The following CFDP1 variants were observed in gnomAD, a reference collection of about 807,000 sequenced individuals.
The protein encoded by CFDP1 is chromatin remodeling protein CFDP1, also known as heterochromatin-stabilizing protein CFDP1.
In CFDP1, 31 loss-of-function variants were observed where a neutral mutation model predicts 40.1. The observed-to-expected ratio is 0.77, with a 90% confidence interval of 0.58 to 1.04. The LOEUF is 1.04. Among genes scored for constraint, CFDP1 ranks in the 50% least tolerant of loss-of-function variants. The pLI is 0.00. For synonymous variants in CFDP1, 167 were observed against 120.0 expected, an observed-to-expected ratio of 1.39 and a Z score of -2.56; for missense variants, 423 against 343.4, an observed-to-expected ratio of 1.23 and a Z score of -1.83.
intron 5 of CFDP1, among the ~76,000 whole-genome samples, chr16:75,328,515 C>T (rs911274080): frequency 7.7e-5 from 11 of 141,970 alleles, no homozygotes; most frequent in Non-Finnish European, 1.5e-4. Flanking sequence ...AGGAGAATCG[C>T]TTGAACCCGG....
chr16:75,394,856 T>C (rs764838673), intron 5 of CFDP1: 1 of 370,106 alleles, frequency 2.7e-6, no homozygotes, highest in Non-Finnish European at 5.0e-6. Flanking sequence ...AGACAGGGTC[T>C]TACTGTATTG....
intron 5 of CFDP1, among the ~76,000 whole-genome samples, chr16:75,371,440 A>T (rs2078750508): frequency 6.6e-6 from 1 of 152,232 alleles, no homozygotes; most frequent in South Asian, 2.1e-4. Context: ...AAGCAGATTA[A>T]GAAACCTGAA....
At chr16:75,319,050 T>C (rs936048577) in intron 5 of CFDP1, among the ~76,000 whole-genome samples, 16 of 151,692 alleles carry the variant, frequency 1.1e-4, no homozygotes, top group Non-Finnish European at 1.6e-4. Flanking sequence ...AAACTTACTT[T>C]ATTTATTTAT....
chr16:75,304,696 C>A (rs1026771328), intron 6 of CFDP1, among the ~76,000 whole-genome samples: 7 of 152,176 alleles, frequency 4.6e-5, no homozygotes, highest in African/African-American at 1.7e-4. Flanking sequence ...TCAGATAAGG[C>A]CAAGGCTGCT....
intron 5 of CFDP1, 71 bp downstream of exon 5, chr16:75,395,019 A>G (rs1295766404): frequency 1.7e-5 from 27 of 1,579,588 alleles, no homozygotes; most frequent in South Asian, 6.7e-5. Context: ...ATCTGCAGCG[A>G]AAGTAGGTAT....
intron 5 of CFDP1, among the ~76,000 whole-genome samples, chr16:75,330,316 G>C (rs1037638189): frequency 6.6e-6 from 1 of 152,254 alleles, no homozygotes. Context: ...GCCTGGGACA[G>C]TGGCTCACGT....
At chr16:75,323,627 A>G (rs558737231) in intron 5 of CFDP1, among the ~76,000 whole-genome samples, 59 of 152,184 alleles carry the variant, frequency 3.9e-4, no homozygotes, top group African/African-American at 1.4e-3. Context: ...CTGAAAATAC[A>G]AATTTGCCGG....
chr16:75,293,847 C>A lies in CFDP1; in HGVS notation c.*105G>T. 7.9e-6 allele frequency: 7 copies of A among 885,188 alleles called. No individual in the cohort carries two copies. The highest frequency in any genetic ancestry group is 1.2e-5 in the Non-Finnish European group (7 of 575,526). 54.8% of individuals were successfully genotyped at this position (885,188 alleles called of 1,614,324 possible). On this transcript the variant is annotated 3_prime_UTR_variant, in exon 7 of 7. Transcript: ENST00000283882. ...ACTTCAATGTAGAAAAAAAAAAGAC[C>A]TTGCTGGGAAACAGATGATGAGAAA...
chr16:75,351,272 T>A (rs2078608532), intron 5 of CFDP1, among the ~76,000 whole-genome samples: 1 of 152,216 alleles, frequency 6.6e-6, no homozygotes, highest in South Asian at 2.1e-4. Context: ...CTCTATGTAT[T>A]GATAAATCCT....
chr16:75,413,549 T>C (rs1377135546), intron 2 of CFDP1, among the ~76,000 whole-genome samples: 1 of 40,216 alleles, frequency 2.5e-5, no homozygotes, highest in East Asian at 8.3e-4. Flanking sequence ...CGAGACTCTG[T>C]CTCAAAAAAA....
At chr16:75,309,870 A>C (rs2078285193) in intron 5 of CFDP1, among the ~76,000 whole-genome samples, 1 of 150,966 alleles carries the variant, frequency 6.6e-6, no homozygotes, top group Non-Finnish European at 1.5e-5. Flanking sequence ...GACCAACAGA[A>C]CCACTGGTTT....
At chr16:75,334,951 T>C (rs915966779) in intron 5 of CFDP1, among the ~76,000 whole-genome samples, 15 of 142,180 alleles carry the variant, frequency 1.1e-4, no homozygotes, top group African/African-American at 3.9e-4. Flanking sequence ...CGAGACACTC[T>C]GCCTCAAAAA....
chr16:75,300,186 G>T (rs906704520), intron 6 of CFDP1, among the ~76,000 whole-genome samples: 1 of 152,262 alleles, frequency 6.6e-6, no homozygotes, highest in Non-Finnish European at 1.5e-5. Context: ...GGTGGTGGTA[G>T]TGGGGCTGCG....
At position 75,433,355 on chromosome 16, in the gene CFDP1, T is replaced by C; in HGVS notation, c.-3A>G. The C allele has an allele frequency of 6.3e-7, 1 of 1,588,920 alleles. No individual in the cohort carries two copies. The highest frequency in any genetic ancestry group is 8.6e-7 in the Non-Finnish European group (1 of 1,167,710). ...TCTTCGGAGTCGAATTCCTCCATGTTGCTGCCGCTCGACGCTGGTCAAACT... is the reference window on the plus strand; with the variant it reads ...TCTTCGGAGTCGAATTCCTCCATGTCGCTGCCGCTCGACGCTGGTCAAACT... On this transcript the variant is annotated 5_prime_UTR_variant, in exon 1 of 7. Coordinates refer to ENST00000283882, the MANE Select transcript of CFDP1 (RefSeq NM_006324.3).
At chr16:75,432,448 G>A (rs993861842) in intron 1 of CFDP1, among the ~76,000 whole-genome samples, 8 of 151,042 alleles carry the variant, frequency 5.3e-5, no homozygotes, top group Non-Finnish European at 1.2e-4. Flanking sequence ...CTACTCCAGA[G>A]GCTGAGACGG....
intron 5 of CFDP1, among the ~76,000 whole-genome samples, chr16:75,320,825 C>G (rs999579845): frequency 6.6e-6 from 1 of 152,186 alleles, no homozygotes; most frequent in African/African-American, 2.4e-5. Flanking sequence ...AATAAAAGAA[C>G]AAAATCCAAA....
At chr16:75,295,441 G>A (rs2078175487) in intron 6 of CFDP1, among the ~76,000 whole-genome samples, 1 of 152,238 alleles carries the variant, frequency 6.6e-6, no homozygotes, top group Admixed American at 6.5e-5. Flanking sequence ...GGACTGTTGT[G>A]TGGATTAAAT....
At chr16:75,308,665 G>A (rs542312807) in intron 5 of CFDP1, among the ~76,000 whole-genome samples, 7 of 152,232 alleles carry the variant, frequency 4.6e-5, no homozygotes, top group African/African-American at 1.4e-4. Context: ...ATTTTAAGGG[G>A]AACAATTCAC....
At chr16:75,339,423 T>C (rs1349899704) in intron 5 of CFDP1, among the ~76,000 whole-genome samples, 1 of 152,192 alleles carries the variant, frequency 6.6e-6, no homozygotes, top group Non-Finnish European at 1.5e-5. Context: ...CTTAAAGTCT[T>C]CTTTAGGTTC....
Sources: allele counts gnomAD v4.1 joint callset (sites outside exome capture counted in the v4.1 genomes callset), GRCh38; gene constraint gnomAD v4.1.1; transcripts MANE v1.5; gene names NCBI Gene and HGNC (gene_info 2026-07-23, HGNC 2026-07-21).